Variants in LPAR5 observed in about 807,000 individuals in gnomAD.
LPAR5 encodes the protein lysophosphatidic acid receptor 5.
For missense variants in LPAR5, 544 were observed against 521.8 expected (o/e 1.04, Z -0.41); for synonymous variants, 271 against 261.6 (o/e 1.04, Z -0.35).
At chr12:6,633,014 T>G (rs950493285) in intron 1 of LPAR5, among the ~76,000 whole-genome samples, 33 of 152,174 alleles carry the variant, frequency 2.2e-4, no homozygotes, top group African/African-American at 8.0e-4. Context: ...ATTTCCAGCA[T>G]CATCCTCGGC....
intron 1 of LPAR5, among the ~76,000 whole-genome samples, chr12:6,635,673 A>G (rs889933133): frequency 1.4e-4 from 22 of 152,292 alleles, no homozygotes; most frequent in Middle Eastern, 3.4e-3. Context: ...GGGGGCTTCA[A>G]GCATCAAAGA....
At position 6,634,153 on chromosome 12, in the gene LPAR5, G is replaced by C. The variant is rs373071783; in HGVS notation, c.-217+1754C>G. ...CCCGAGCAGCTGGGACTATAGGTGCGTGCCACCGTGCCCAACTAATTTTTG... is the reference window on the plus strand; with the variant it reads ...CCCGAGCAGCTGGGACTATAGGTGCCTGCCACCGTGCCCAACTAATTTTTG... On this transcript the variant is annotated intron_variant, in intron 1 of 1. Coordinates refer to ENST00000329858, the MANE Select transcript of LPAR5 (RefSeq NM_020400.6). 5.3e-5 allele frequency among the ~76,000 whole-genome samples: 8 copies of C among 152,194 alleles called. No homozygotes were observed. The East Asian group carries it at 1.4e-3, about 26-fold the overall frequency.
chr12:6,621,105 C>T lies in LPAR5; in HGVS notation c.144G>A (p.Leu48=), dbSNP rs779223791. The change falls in exon 2 of 2, where the codon CTG becomes CTA. Residue 48 remains leucine, a synonymous_variant. Coordinates refer to ENST00000329858, the MANE Select transcript of LPAR5 (RefSeq NM_020400.6). ...CCACCGAGTGCACGCGCAGCGCGCG[C>T]AGGAAGACCCAGAGGGCTAGCGCGT... is the stretch of plus-strand genomic sequence containing the variant. ...PLNALALWVF[L]RALRVHSVVS... 3 of 1,603,274 alleles carry T rather than the reference C, an allele frequency of 1.9e-6. No individual in the cohort carries two copies. The highest frequency in any genetic ancestry group is 1.1e-5 in the South Asian group (1 of 89,734).
rs368771515 is a variant in LPAR5 at position 6,620,113 on chromosome 12, C to T, written c.*17G>A. On this transcript the variant is annotated 3_prime_UTR_variant, in exon 2 of 2. Coordinates refer to ENST00000329858, the MANE Select transcript of LPAR5 (RefSeq NM_020400.6). The surrounding 1 kb of genome is among the most constrained non-coding windows in gnomAD (Gnocchi z 6.8). ...GGCGTTGGGAGTCGGGCACGGACAG[C>T]GCAATGGCATGTGTGTTCAGAGGGC... The T allele has an allele frequency of 1.9e-5, 31 of 1,613,438 alleles. No homozygotes were observed. Among genetic ancestry groups the T allele is most frequent in the Non-Finnish European group, 2.5e-5 (29 of 1,179,866 alleles).
rs11609251 is a variant in LPAR5 at position 6,634,643 on chromosome 12, A to C, written c.-217+1264T>G. ...GCGAGACCCCATCTCAAAAAAAAAA[A>C]AAATTAGCCGGGCATGGTGGTGCCT... On this transcript the variant is annotated intron_variant, in intron 1 of 1. Coordinates refer to ENST00000329858, the MANE Select transcript of LPAR5 (RefSeq NM_020400.6). Among the ~76,000 whole-genome samples, 77 of 149,720 alleles carry C rather than the reference A, an allele frequency of 5.1e-4. 1 individual carries two copies. Among genetic ancestry groups the C allele is most frequent in the African/African-American group, 1.2e-3 (47 of 40,780 alleles).
At chr12:6,624,690 G>A (rs1185294547) in intron 1 of LPAR5, among the ~76,000 whole-genome samples, 3 of 151,930 alleles carry the variant, frequency 2.0e-5, no homozygotes, top group African/African-American at 4.8e-5. Flanking sequence ...GCACGATCTC[G>A]GCTCACCGCA....
chr12:6,620,566 C>T lies in LPAR5; in HGVS notation c.683G>A (p.Arg228Gln). The T allele has an allele frequency of 6.4e-7, 1 of 1,555,092 alleles. No individual in the cohort carries two copies. Among genetic ancestry groups the T allele is most frequent in the Non-Finnish European group, 8.7e-7 (1 of 1,149,752 alleles). ...CAGGAGGCGCACGGTCTTCCGCCGCCGCTGGCTCTGCGTGGCGTCGGGGCG... is the reference window on the plus strand; with the variant it reads ...CAGGAGGCGCACGGTCTTCCGCCGCTGCTGGCTCTGCGTGGCGTCGGGGCG... ...LARPDATQSQ[R>Q]RRKTVRLLLA... is the part of the protein sequence containing the mutation. Residue 228 changes from arginine (R) to glutamine (Q), a missense_variant, in exon 2 of 2, where the codon CGG becomes CAG. Arg to Gln is a conservative substitution (Grantham distance 43). Coordinates refer to ENST00000329858, the MANE Select transcript of LPAR5 (RefSeq NM_020400.6). This position sits in a 1 kb window ranked among gnomAD's most constrained non-coding sequence, Gnocchi z 6.8.
rs71067128 is a variant in LPAR5, at chr12:6,628,028, C to CTTTT, written c.-216-6568_-216-6565dup. 1.2e-4 allele frequency among the ~76,000 whole-genome samples: 16 copies of CTTTT among 134,480 alleles called. 4 individuals are homozygous for CTTTT. Among genetic ancestry groups the CTTTT allele is most frequent in the Non-Finnish European group, 1.7e-4 (11 of 64,166 alleles). 88.2% of individuals were successfully genotyped at this position (134,480 alleles called of 152,430 possible). A position where few individuals can be genotyped will look rare whatever the true frequency, so the allele number is the denominator to read the frequency against. On this transcript the variant is annotated intron_variant, in intron 1 of 1. Coordinates refer to ENST00000329858, the MANE Select transcript of LPAR5 (RefSeq NM_020400.6). ...GATCATTCTTTTCTTTTTCTTTTTT[C>CTTTT]TTTTTTTTTTTGAGACAGAGTCTTG...
chr12:6,624,783 G>T (rs1394840648), intron 1 of LPAR5, among the ~76,000 whole-genome samples: 1 of 152,028 alleles, frequency 6.6e-6, no homozygotes, highest in Non-Finnish European at 1.5e-5. Context: ...ACCACGCCTG[G>T]CTAATTTTGT....
chr12:6,628,605 C>T (rs142134321), intron 1 of LPAR5, among the ~76,000 whole-genome samples: 2,943 of 151,570 alleles, frequency 0.019, 92 homozygotes, highest in African/African-American at 0.065. Flanking sequence ...AGATTACAGG[C>T]GCTCACCACC....
In LPAR5 at chr12:6,620,311, G is replaced by A; in HGVS notation, c.938C>T (p.Thr313Ile). Residue 313 changes from threonine to isoleucine, a missense_variant, in exon 2 of 2, where the codon ACT (threonine) becomes ATT (isoleucine). By Grantham distance (89) the Thr-to-Ile change is moderately conservative. Coordinates refer to ENST00000329858, the MANE Select transcript of LPAR5 (RefSeq NM_020400.6). The surrounding 1 kb of genome is among the most constrained non-coding windows in gnomAD (Gnocchi z 6.8). ...GGCCGAGGTCCTGGCCCGGTGCGGA[G>A]TGCCCAGGCCGCGCAGGGTGTTGCG... is the stretch of plus-strand genomic sequence containing the variant. ...GFRNTLRGLG[T>I]PHRARTSATN... The A allele has an allele frequency of 6.2e-7, 1 of 1,607,432 alleles. No individual in the cohort carries two copies. Among genetic ancestry groups the A allele is most frequent in the South Asian group, 1.1e-5 (1 of 90,584 alleles).
intron 1 of LPAR5, among the ~76,000 whole-genome samples, chr12:6,624,707 G>A (rs915479846): frequency 1.3e-5 from 2 of 152,084 alleles, no homozygotes; most frequent in Non-Finnish European, 2.9e-5. Context: ...CGCAACCTCT[G>A]CTTCCAGGGT....
At chr12:6,623,485 G>C (rs1948911217) in intron 1 of LPAR5, among the ~76,000 whole-genome samples, 1 of 151,104 alleles carries the variant, frequency 6.6e-6, no homozygotes, top group Non-Finnish European at 1.5e-5. Flanking sequence ...AATGAGTCGA[G>C]ATCACGCCAC....
At chr12:6,634,352 C>T (rs12815135) in intron 1 of LPAR5, among the ~76,000 whole-genome samples, 110,009 of 151,908 alleles carry the variant, frequency 0.72, 41,517 homozygotes, top group Non-Finnish European at 0.83. Context: ...GTGTGACTCG[C>T]GCCTGTAATC....
chr12:6,621,721 G>C (rs1948897226), intron 1 of LPAR5, among the ~76,000 whole-genome samples: 1 of 152,210 alleles, frequency 6.6e-6, no homozygotes. Context: ...TCTTGGCTGG[G>C]TGCAATGGCT....
intron 1 of LPAR5, among the ~76,000 whole-genome samples, chr12:6,627,636 C>T (rs559745878): frequency 1.2e-4 from 19 of 152,108 alleles, no homozygotes; most frequent in Non-Finnish European, 2.6e-4. Flanking sequence ...TAAGTGCATA[C>T]GTAAGCACTT....
chr12:6,635,150 T>C (rs985765942), intron 1 of LPAR5, among the ~76,000 whole-genome samples: 1 of 151,248 alleles, frequency 6.6e-6, no homozygotes, highest in African/African-American at 2.4e-5. Flanking sequence ...GGAGATACAA[T>C]CTGGTGGAGG....
At chr12:6,631,929 A>G (rs1311731333) in intron 1 of LPAR5, among the ~76,000 whole-genome samples, 1 of 151,986 alleles carries the variant, frequency 6.6e-6, no homozygotes, top group African/African-American at 2.4e-5. Flanking sequence ...CGCAAACACC[A>G]CATGCCTTGC....
chr12:6,625,844 C>T (rs1023896844), intron 1 of LPAR5, among the ~76,000 whole-genome samples: 3 of 152,052 alleles, frequency 2.0e-5, no homozygotes, highest in Admixed American at 2.0e-4. Flanking sequence ...CTCCGTGGTC[C>T]AGGCTGGAAA....
Sources: gnomAD v4.1 joint callset for allele counts (sites outside exome capture counted in the v4.1 genomes callset) on GRCh38, gnomAD v4.1.1 for gene constraint, Gnocchi (gnomAD v3.1) non-coding constraint, MANE v1.5 for transcripts, NCBI Gene and HGNC (gene_info 2026-07-23, HGNC 2026-07-21) for gene names.